Variants in URI1 observed in about 807,000 individuals in gnomAD.
URI1 encodes the protein URI1 prefoldin like chaperone.
URI1 carries 39 observed loss-of-function variants against 60.2 expected under a neutral mutation model. The ratio of observed to expected loss-of-function variants is 0.65; its 90% CI spans 0.50 to 0.85. The LOEUF (loss-of-function observed/expected upper bound fraction) is 0.85. Among genes scored for constraint, URI1 ranks in the 40% least tolerant of loss-of-function variants. The probability of loss-of-function intolerance (pLI) is 0.00; values close to 1 mark genes in which losing one functional copy is unlikely to be tolerated. For missense variants in URI1, 691 were observed against 665.9 expected (o/e 1.04, Z -0.42); for synonymous variants, 251 against 236.8 (o/e 1.06, Z -0.55).
rs546970275 is a variant in URI1 at position 29,958,734 on chromosome 19, C to T, written c.118-12459C>T. On this transcript the variant is annotated intron_variant, in intron 1 of 10. Coordinates refer to ENST00000392271, the MANE Select transcript of URI1 (RefSeq NM_003796.3). ...CAGCACTTTGGGAAGCTGAGGTGGG[C>T]GGATCACGTGAGGTCAGGGGTTTGA... 1.6e-3 allele frequency among the ~76,000 whole-genome samples: 240 copies of T among 151,642 alleles called. 1 individual carries two copies. Among genetic ancestry groups the T allele is most frequent in the Non-Finnish European group, 2.5e-3 (167 of 67,876 alleles).
At chr19:30,011,886 C>CG (rs2145450489) in intron 9 of URI1, among the ~76,000 whole-genome samples, 1 of 104,462 alleles carries the variant, frequency 9.6e-6, no homozygotes, top group Non-Finnish European at 1.8e-5. Flanking sequence ...CACCACACAC[C>CG]GGGGTCTGTC....
intron 1 of URI1, among the ~76,000 whole-genome samples, chr19:29,968,850 C>T (rs563784504): frequency 1.3e-5 from 2 of 151,618 alleles, no homozygotes; most frequent in African/African-American, 2.4e-5. Flanking sequence ...GGATTACAGG[C>T]GTGAGCCACC....
chr19:29,935,806 AGATGGAGTCTCACACTGTCATCCAG>A (rs1473286866), intron 1 of URI1, among the ~76,000 whole-genome samples: 1 of 138,998 alleles, frequency 7.2e-6, no homozygotes, highest in African/African-American at 2.7e-5. Flanking sequence ...TTTTTTTTTG[AGATGGAGTCTCACACTGTCATCCAG>A]GCTGGAGTGA....
chr19:30,010,992 CCT>C, intron 8 of URI1, 100 bp from the exon 9 acceptor site: 1 of 1,306,916 alleles, frequency 7.7e-7, no homozygotes, highest in East Asian at 2.6e-5. Flanking sequence ...ATTTCAGCTG[CCT>C]CTCTTACTAT....
At chr19:29,958,955 C>CA (rs34952595) in intron 1 of URI1, among the ~76,000 whole-genome samples, 123,190 of 148,824 alleles carry the variant, frequency 0.83, 51,548 homozygotes, top group Non-Finnish European at 0.9. Context: ...GACTCCGTCT[C>CA]AAAAAAAAAA....
intron 1 of URI1, among the ~76,000 whole-genome samples, chr19:29,950,227 A>G (rs557092691): frequency 6.6e-6 from 1 of 152,294 alleles, no homozygotes; most frequent in East Asian, 1.9e-4. Context: ...GCTTCTCTAG[A>G]TTGGAAGAAA....
chr19:30,007,556 A>G lies in URI1; in HGVS notation c.604A>G (p.Lys202Glu), dbSNP rs984305445. 6.2e-7 allele frequency: 1 copy of G among 1,613,376 alleles called. No individual in the cohort carries two copies. The highest frequency in any genetic ancestry group is 8.5e-7 in the Non-Finnish European group (1 of 1,179,624). Residue 202 changes from lysine to glutamate, a missense_variant, in exon 7 of 11, where the codon AAG becomes GAG. Lys to Glu is a moderately conservative substitution (Grantham distance 56). Transcript: ENST00000392271. Reference sequence around the variant, plus strand: ...AGATATTGCAAATGATGTGAAATCCAAGGATTTGCTAGCTGATAAAGAACT... The same window carrying G: ...AGATATTGCAAATGATGTGAAATCCGAGGATTTGCTAGCTGATAAAGAACT... The part of the protein sequence containing the change: ...EADIANDVKS[K>E]DLLADKELWA...
chr19:29,969,695 C>G (rs2055434468), intron 1 of URI1, among the ~76,000 whole-genome samples: 1 of 152,120 alleles, frequency 6.6e-6, no homozygotes. Context: ...CCTGACTGTT[C>G]TTGGGTCTCA....
intron 2 of URI1, among the ~76,000 whole-genome samples, chr19:29,979,533 C>G (rs545980679): frequency 3.9e-4 from 59 of 151,370 alleles, no homozygotes; most frequent in Admixed American, 1.7e-3. Context: ...TCCAGGCTTA[C>G]TATATATATA....
At chr19:29,958,030 TC>T (rs1225740585) in intron 1 of URI1, 1 of 152,056 alleles carries the variant, frequency 6.6e-6, no homozygotes, top group Non-Finnish European at 1.5e-5. Context: ...CCTCAAGTGA[TC>T]CACCCGCCTC....
intron 2 of URI1, among the ~76,000 whole-genome samples, chr19:29,973,616 T>C (rs554361457): frequency 6.6e-6 from 1 of 152,156 alleles, no homozygotes; most frequent in East Asian, 1.9e-4. Context: ...AATTGGTTTT[T>C]GTTTAAAAAA....
In URI1 at chr19:29,977,390, T is replaced by C. The variant is rs570836897; in HGVS notation, c.152+6163T>C. ...TTTATTATGTATAATATGTGAAATATTGATCTGCATACCTTTAAAACTTGT... is the reference window on the plus strand; with the variant it reads ...TTTATTATGTATAATATGTGAAATACTGATCTGCATACCTTTAAAACTTGT... On this transcript the variant is annotated intron_variant, in intron 2 of 10. Coordinates refer to ENST00000392271, the MANE Select transcript of URI1 (RefSeq NM_003796.3). Among the ~76,000 whole-genome samples, 32 of 152,134 alleles carry C rather than the reference T, an allele frequency of 2.1e-4. No homozygotes were observed. The South Asian group carries it at 6.2e-3, about 30-fold the overall frequency.
chr19:30,012,802 G>A (rs1271971802), intron 10 of URI1: 1 of 287,234 alleles, frequency 3.5e-6, no homozygotes, highest in East Asian at 7.7e-5. Flanking sequence ...TACATTTGTA[G>A]CTAGGAAATT....
chr19:30,008,810 A>G (rs949529535), intron 7 of URI1, among the ~76,000 whole-genome samples, 195 bp from the exon 8 acceptor site: 8 of 152,174 alleles, frequency 5.3e-5, no homozygotes, highest in East Asian at 1.9e-4. Flanking sequence ...AATAACCTCA[A>G]TATATAGAAG....
intron 4 of URI1, among the ~76,000 whole-genome samples, chr19:29,990,139 A>G (rs1476104275): frequency 6.6e-6 from 1 of 152,192 alleles, no homozygotes; most frequent in African/African-American, 2.4e-5. Flanking sequence ...TGTTGAAAAT[A>G]CTGTTCTGTC....
intron 4 of URI1, among the ~76,000 whole-genome samples, chr19:30,004,816 G>A (rs1161926748): frequency 2.6e-5 from 4 of 152,010 alleles, no homozygotes; most frequent in Non-Finnish European, 1.5e-5. Context: ...GGTTAATAGA[G>A]GGTGGTATTT....
chr19:30,009,217 ATG>A lies in URI1; in HGVS notation c.900_901del (p.Asp300GlufsTer2), dbSNP rs1284798016. On this transcript the variant is annotated frameshift_variant, in exon 8 of 11. Transcript: ENST00000392271. LOFTEE classifies it high-confidence loss of function. ...GGTTCCAGTTCTTACCACAGTGATGATGATGATGATGATGATGATGACGACGA... is the reference window on the plus strand; with the variant it reads ...GGTTCCAGTTCTTACCACAGTGATGAATGATGATGATGATGATGACGACGA... The A allele has an allele frequency of 7.2e-6, 7 of 966,062 alleles. No individual in the cohort carries two copies. Among genetic ancestry groups the A allele is most frequent in the Non-Finnish European group, 1.0e-5 (7 of 694,422 alleles). The allele number at this position is 966,062 out of a possible 1,614,324, so 59.8% of individuals were successfully genotyped here.
intron 1 of URI1, among the ~76,000 whole-genome samples, chr19:29,953,015 G>A (rs1035285704): frequency 7.9e-5 from 12 of 151,990 alleles, no homozygotes; most frequent in East Asian, 1.9e-4. Context: ...TGATTTTAGC[G>A]CTTATATTTA....
intron 1 of URI1, chr19:29,957,958 TG>T (rs2145279584): frequency 6.6e-6 from 1 of 152,084 alleles, no homozygotes; most frequent in East Asian, 1.9e-4. Flanking sequence ...TAAAATTTTT[TG>T]TTGTTGTTAA....
Sources: gnomAD v4.1 joint callset for allele counts (sites outside exome capture counted in the v4.1 genomes callset) on GRCh38, gnomAD v4.1.1 for gene constraint, MANE v1.5 for transcripts, NCBI Gene and HGNC (gene_info 2026-07-23, HGNC 2026-07-21) for gene names.